Variants in CDH8 observed in about 807,000 individuals in gnomAD.
CDH8 encodes cadherin-8.
In CDH8, 17 loss-of-function variants were observed where a neutral mutation model predicts 68.1. That is an observed-to-expected ratio of 0.25 (90% CI 0.17 to 0.37). CDH8 has a LOEUF of 0.37. Ranked by LOEUF, CDH8 falls within the 10% of genes least tolerant of loss-of-function variation. CDH8 has a pLI of 1.00. For synonymous variants in CDH8, 372 were observed against 365.1 expected, an observed-to-expected ratio of 1.02 and a Z score of -0.21; for missense variants, 763 against 999.3, an observed-to-expected ratio of 0.76 and a Z score of 3.19.
intron 2 of CDH8, among the ~76,000 whole-genome samples, chr16:61,984,093 A>G (rs1379556305): frequency 2.0e-5 from 3 of 151,550 alleles, no homozygotes; most frequent in African/African-American, 7.3e-5. Context: ...TAATTTTTGT[A>G]TTTTTAGTAC....
chr16:61,764,761 C>T (rs1191294005), intron 8 of CDH8, among the ~76,000 whole-genome samples: 1 of 151,888 alleles, frequency 6.6e-6, no homozygotes, highest in Non-Finnish European at 1.5e-5. Flanking sequence ...AATATAGATA[C>T]AGATATACAA....
chr16:62,026,723 A>G (rs1902206469), intron 1 of CDH8, among the ~76,000 whole-genome samples: 1 of 152,232 alleles, frequency 6.6e-6, no homozygotes, highest in Non-Finnish European at 1.5e-5. Context: ...GCATGCTATC[A>G]GGGAGAGTTG....
At chr16:61,817,275 A>G (rs1033354315) in intron 7 of CDH8, among the ~76,000 whole-genome samples, 4 of 151,762 alleles carry the variant, frequency 2.6e-5, no homozygotes, top group African/African-American at 9.7e-5. Context: ...TCTGGGCTCT[A>G]TGTAGCACTT....
Position 61,847,908 on chromosome 16 carries a change from A to AACAC in CDH8, c.667+9207_667+9210dup, listed in dbSNP as rs142042812. Among the ~76,000 whole-genome samples the AACAC allele has an allele frequency of 2.5e-4, 37 of 150,432 alleles. 1 individual carries two copies. Among genetic ancestry groups the AACAC allele is most frequent in the African/African-American group, 8.5e-4 (35 of 41,096 alleles). ...ACACACACACACACACACACAGACA[A>AACAC]ACACACACACACACACTTTTTTATT... On this transcript the variant is annotated intron_variant, in intron 4 of 11. Coordinates refer to ENST00000577390, the MANE Select transcript of CDH8 (RefSeq NM_001796.5).
chr16:61,689,666 C>T (rs747571593), intron 10 of CDH8, among the ~76,000 whole-genome samples: 2 of 151,918 alleles, frequency 1.3e-5, no homozygotes, highest in Non-Finnish European at 1.5e-5. Context: ...TTTTGTAAGC[C>T]AAGATGCAAT....
chr16:61,708,075 C>G (rs1964566176), intron 10 of CDH8, among the ~76,000 whole-genome samples: 1 of 152,062 alleles, frequency 6.6e-6, no homozygotes, highest in African/African-American at 2.4e-5. Flanking sequence ...AGGAAAGATT[C>G]TACGCACGAA....
Position 61,653,845 on chromosome 16 carries a change from G to T in CDH8, c.2163C>A (p.Val721=). ...GLAPVPNGVD[V]DEFINVRLHE... is the part of the protein sequence containing the mutation. ...GCAGCCTTACATTTATAAATTCATCGACATCAACACCATTTGGAACTGGAG... is the reference window on the plus strand; with the variant it reads ...GCAGCCTTACATTTATAAATTCATCTACATCAACACCATTTGGAACTGGAG... Residue 721 remains valine, a synonymous_variant, in exon 12 of 12, where the codon GTC becomes GTA. Transcript: ENST00000577390. 1 of 1,614,130 alleles carries T rather than the reference G, an allele frequency of 6.2e-7. No individual in the cohort carries two copies. The highest frequency in any genetic ancestry group is 1.7e-5 in the Admixed American group (1 of 60,016).
chr16:61,803,570 C>A (rs1961713994), intron 7 of CDH8, among the ~76,000 whole-genome samples: 1 of 151,970 alleles, frequency 6.6e-6, no homozygotes, highest in South Asian at 2.1e-4. Flanking sequence ...TTCAGGAAGC[C>A]CATCTCACGT....
At chr16:61,703,253 C>A (rs552673823) in intron 10 of CDH8, among the ~76,000 whole-genome samples, 11 of 152,164 alleles carry the variant, frequency 7.2e-5, no homozygotes, top group African/African-American at 2.7e-4. Flanking sequence ...AGACAGAAAA[C>A]TTATAATACT....
chr16:61,666,711 A>C (rs1003637496), intron 10 of CDH8, among the ~76,000 whole-genome samples: 1 of 152,044 alleles, frequency 6.6e-6, no homozygotes, highest in Non-Finnish European at 1.5e-5. Flanking sequence ...CAAATGAAAT[A>C]AAAATGATAA....
At chr16:61,977,337 T>C (rs1965452993) in intron 2 of CDH8, among the ~76,000 whole-genome samples, 1 of 152,102 alleles carries the variant, frequency 6.6e-6, no homozygotes, top group Non-Finnish European at 1.5e-5. Flanking sequence ...ATCTTAAAAA[T>C]TGTAGGGGAA....
In CDH8 at chr16:61,754,354, A is replaced by G. The variant is rs1016739394; in HGVS notation, c.1415-27139T>C. 2.0e-5 allele frequency among the ~76,000 whole-genome samples: 3 copies of G among 152,164 alleles called. No homozygotes were observed. The South Asian group carries it at 6.2e-4, about 32-fold the overall frequency. ...AGAGAAATAATGATTCATGTGTTTCATTTATAATGATTATTAAATCACTAG... is the reference window on the plus strand; with the variant it reads ...AGAGAAATAATGATTCATGTGTTTCGTTTATAATGATTATTAAATCACTAG... On this transcript the variant is annotated intron_variant, in intron 8 of 11. Transcript: ENST00000577390.
intron 10 of CDH8, among the ~76,000 whole-genome samples, chr16:61,668,514 A>C (rs1377160594): frequency 6.6e-6 from 1 of 152,046 alleles, no homozygotes; most frequent in Non-Finnish European, 1.5e-5. Flanking sequence ...TAACCCACTA[A>C]AGTGAAAACT....
intron 11 of CDH8, among the ~76,000 whole-genome samples, chr16:61,655,066 T>G (rs569717544): frequency 3.6e-4 from 55 of 152,316 alleles, no homozygotes; most frequent in African/African-American, 1.3e-3. Context: ...TGGGATCCGA[T>G]GGACTCAGCA....
intron 2 of CDH8, among the ~76,000 whole-genome samples, chr16:61,961,765 A>C (rs1030161277): frequency 6.6e-6 from 1 of 152,246 alleles, no homozygotes; most frequent in Non-Finnish European, 1.5e-5. Flanking sequence ...TATACCTAGA[A>C]CAATGCCTAG....
At chr16:61,935,097 T>G (rs2143503781) in intron 2 of CDH8, among the ~76,000 whole-genome samples, 1 of 152,324 alleles carries the variant, frequency 6.6e-6, no homozygotes, top group Non-Finnish European at 1.5e-5. Context: ...TACACATGGA[T>G]TGGACATTAG....
chr16:61,983,245 C>G (rs1406788887), intron 2 of CDH8, among the ~76,000 whole-genome samples: 1 of 152,138 alleles, frequency 6.6e-6, no homozygotes, highest in Non-Finnish European at 1.5e-5. Context: ...GCTCAACTCT[C>G]TTTTTGAGAT....
intron 2 of CDH8, among the ~76,000 whole-genome samples, chr16:61,948,816 A>G (rs1964840985): frequency 6.6e-6 from 1 of 152,200 alleles, no homozygotes; most frequent in Admixed American, 6.5e-5. Context: ...AATAGAAAGT[A>G]ATCTGTAAAA....
At chr16:61,874,326 CT>C (rs1439769118) in intron 3 of CDH8, among the ~76,000 whole-genome samples, 1 of 151,882 alleles carries the variant, frequency 6.6e-6, no homozygotes, top group African/African-American at 2.4e-5. Context: ...ATGATATTTT[CT>C]TTTTTTCGTT....
Sources: gnomAD v4.1 joint callset for allele counts (sites outside exome capture counted in the v4.1 genomes callset) on GRCh38, gnomAD v4.1.1 for gene constraint, MANE v1.5 for transcripts, NCBI Gene and HGNC (gene_info 2026-07-23, HGNC 2026-07-21) for gene names.